Variants in CCDC85C observed in about 807,000 individuals in gnomAD.
CCDC85C encodes coiled-coil domain-containing protein 85C.
CCDC85C carries 18 observed loss-of-function variants against 38.3 expected under a neutral mutation model. The observed-to-expected ratio is 0.47, with a 90% CI of 0.33 to 0.70. CCDC85C has a LOEUF of 0.70. Ranked by LOEUF, CCDC85C falls within the 30% of genes least tolerant of loss-of-function variation. CCDC85C has a pLI of 0.03. For missense variants in CCDC85C, 566 were observed against 621.2 expected, an observed-to-expected ratio of 0.91 and a Z score of 0.94; for synonymous variants, 264 against 293.8, an observed-to-expected ratio of 0.90 and a Z score of 1.04.
rs1482553190 is a variant in CCDC85C at position 99,520,796 on chromosome 14, A to C, written c.975+1337T>G. Among the ~76,000 whole-genome samples the C allele has an allele frequency of 6.6e-6, 1 of 152,172 alleles. No individual in the cohort carries two copies. Among genetic ancestry groups the C allele is most frequent in the Non-Finnish European group, 1.5e-5 (1 of 68,028 alleles). On this transcript the variant is annotated intron_variant, in intron 3 of 5. Transcript: ENST00000380243. This position sits in a 1 kb window ranked among gnomAD's most constrained non-coding sequence, Gnocchi z 4.1. Reference sequence around the variant, plus strand: ...CTGTGAGCCTCACTTCCTCCTCTCCAAAGTAGGGGACACCCCTTCATGCAC... The same window carrying C: ...CTGTGAGCCTCACTTCCTCCTCTCCCAAGTAGGGGACACCCCTTCATGCAC...
intron 3 of CCDC85C, 104 bp from the exon 4 acceptor site, chr14:99,517,287 G>T: frequency 1.2e-6 from 1 of 858,874 alleles, no homozygotes; most frequent in Non-Finnish European, 1.8e-6. Flanking sequence ...GGCCCAGGCA[G>T]GAGGAAAAGG....
At chr14:99,522,308 G>A in intron 2 of CCDC85C, 68 bp from the exon 3 acceptor site, 1 of 1,184,932 alleles carries the variant, frequency 8.4e-7, no homozygotes, top group South Asian at 1.4e-5. Flanking sequence ...CCCTGGGCAT[G>A]GCTCCTCACG....
chr14:99,570,523 G>C (rs535554397), intron 1 of CCDC85C, among the ~76,000 whole-genome samples: 7 of 152,274 alleles, frequency 4.6e-5, no homozygotes, highest in South Asian at 4.1e-4. Context: ...GCAGGGGCTC[G>C]GGGCTGGGCC....
chr14:99,556,941 A>G (rs768451205), intron 1 of CCDC85C, among the ~76,000 whole-genome samples: 1 of 151,676 alleles, frequency 6.6e-6, no homozygotes, highest in Non-Finnish European at 1.5e-5. Flanking sequence ...AGAGAATGAT[A>G]AGCAATGAGG....
At position 99,536,091 on chromosome 14, in the gene CCDC85C, G is replaced by A. The variant is rs1897592063; in HGVS notation, c.794-3C>T. 2 of 1,548,906 alleles carry A rather than the reference G, an allele frequency of 1.3e-6. No individual in the cohort carries two copies. Among genetic ancestry groups the A allele is most frequent in the Non-Finnish European group, 1.7e-6 (2 of 1,144,548 alleles). On this transcript the variant is annotated splice_region_variant and splice_polypyrimidine_tract_variant and intron_variant, in intron 1 of 5. Coordinates refer to ENST00000380243, the MANE Select transcript of CCDC85C (RefSeq NM_001144995.2). ...CCTGATGTAGGTGGATGAGGGATCT[G>A]GAAGGACACAAGAGGAAGGGGGACA...
Position 99,506,723 on chromosome 14 carries a change from C to T in CCDC85C, c.*8523G>A, listed in dbSNP as rs1328764309. 1 of 283,430 alleles carries T rather than the reference C, an allele frequency of 3.5e-6. No individual in the cohort carries two copies. The highest frequency in any genetic ancestry group is 2.2e-5 in the African/African-American group (1 of 45,538). The allele number at this position is 283,430 out of a possible 1,614,324, so 17.6% of individuals were successfully genotyped here. A position where few individuals can be genotyped will look rare whatever the true frequency, so the allele number is the denominator to read the frequency against. On this transcript the variant is annotated 3_prime_UTR_variant, in exon 6 of 6. Transcript: ENST00000380243. ...TACTCTGGACCCTTCTTTGTGTCCTCTGTACCAGGGAGGACTCCAGATAGG... is the reference window on the plus strand; with the variant it reads ...TACTCTGGACCCTTCTTTGTGTCCTTTGTACCAGGGAGGACTCCAGATAGG...
intron 1 of CCDC85C, among the ~76,000 whole-genome samples, chr14:99,589,714 G>A (rs183554166): frequency 3.1e-5 from 4 of 128,984 alleles, no homozygotes; most frequent in Admixed American, 2.3e-4. Flanking sequence ...ACTGCAGAGA[G>A]GAGGACAGGC....
rs1248801016 is a variant in CCDC85C at position 99,509,270 on chromosome 14, T to A, written c.*5976A>T. Reference sequence around the variant, plus strand: ...CCTGGGCTGCCTTGGGAAAGGACACTCATTCTGTGTGTTTGGCTACCTGTG... The same window carrying A: ...CCTGGGCTGCCTTGGGAAAGGACACACATTCTGTGTGTTTGGCTACCTGTG... On this transcript the variant is annotated 3_prime_UTR_variant, in exon 6 of 6. Coordinates refer to ENST00000380243, the MANE Select transcript of CCDC85C (RefSeq NM_001144995.2). The A allele has an allele frequency of 6.6e-6, 1 of 152,330 alleles. No homozygotes were observed. The highest frequency in any genetic ancestry group is 1.5e-5 in the Non-Finnish European group (1 of 68,094). 9.4% of individuals were successfully genotyped at this position (152,330 alleles called of 1,614,324 possible).
At chr14:99,538,432 C>T (rs570068857) in intron 1 of CCDC85C, among the ~76,000 whole-genome samples, 2 of 152,368 alleles carry the variant, frequency 1.3e-5, no homozygotes, top group East Asian at 1.9e-4. Context: ...GGCCCCTGCT[C>T]ACCACAGCAC....
At chr14:99,577,844 A>T in intron 1 of CCDC85C, among the ~76,000 whole-genome samples, 1 of 132,020 alleles carries the variant, frequency 7.6e-6, no homozygotes, top group South Asian at 2.4e-4. Context: ...CCCGTCCTGT[A>T]TCCCCCATCA....
At chr14:99,580,000 A>AACCCCACAT (rs752096459) in intron 1 of CCDC85C, 10 of 454,874 alleles carry the variant, frequency 2.2e-5, no homozygotes, top group African/African-American at 8.0e-5. Context: ...CACCATGACA[A>AACCCCACAT]ACCCCACATA....
At chr14:99,597,941 T>C (rs980308272) in intron 1 of CCDC85C, among the ~76,000 whole-genome samples, 1 of 152,210 alleles carries the variant, frequency 6.6e-6, no homozygotes, top group Non-Finnish European at 1.5e-5. Context: ...GAGACATTAT[T>C]AGCCTCAGGA....
chr14:99,542,564 A>G (rs968237713), intron 1 of CCDC85C, among the ~76,000 whole-genome samples: 10 of 152,220 alleles, frequency 6.6e-5, no homozygotes, highest in African/African-American at 2.2e-4. Flanking sequence ...TGGCAGCCAC[A>G]GACCCAGGGA....
At chr14:99,555,374 A>C (rs1366693701) in intron 1 of CCDC85C, among the ~76,000 whole-genome samples, 1 of 152,210 alleles carries the variant, frequency 6.6e-6, no homozygotes, top group African/African-American at 2.4e-5. Context: ...CCAAGGCTAC[A>C]GGTCAAGTCA....
chr14:99,551,501 G>T (rs1218193722), intron 1 of CCDC85C, among the ~76,000 whole-genome samples: 1 of 151,858 alleles, frequency 6.6e-6, no homozygotes, highest in Non-Finnish European at 1.5e-5. Flanking sequence ...AAGGCAGTGT[G>T]CAGGTGGGTG....
At chr14:99,597,263 C>T (rs2055153076) in intron 1 of CCDC85C, among the ~76,000 whole-genome samples, 1 of 152,230 alleles carries the variant, frequency 6.6e-6, no homozygotes, top group Non-Finnish European at 1.5e-5. Flanking sequence ...GTGAAGTCCG[C>T]AGACGCTTCC....
chr14:99,528,373 G>A (rs928762837), intron 2 of CCDC85C, among the ~76,000 whole-genome samples: 1 of 152,236 alleles, frequency 6.6e-6, no homozygotes, highest in Admixed American at 6.5e-5. Context: ...CTGAGCCGGA[G>A]TGGTTTTCCC....
intron 1 of CCDC85C, among the ~76,000 whole-genome samples, chr14:99,587,747 TGC>T (rs1306376807): frequency 6.6e-6 from 1 of 152,094 alleles, no homozygotes; most frequent in Non-Finnish European, 1.5e-5. Flanking sequence ...CGTACAGTCA[TGC>T]GCCTGAGGAC....
rs111434394 is a variant in CCDC85C, at chr14:99,534,800, G to A, written c.867+1215C>T. 7.2e-3 allele frequency: 4,952 copies of A among 691,282 alleles called. 26 individuals carry two copies. Among genetic ancestry groups the A allele is most frequent in the Non-Finnish European group, 9.8e-3 (3,724 of 379,596 alleles). 42.8% of individuals were successfully genotyped at this position (691,282 alleles called of 1,614,324 possible). A position where few individuals can be genotyped will look rare whatever the true frequency, so the allele number is the denominator to read the frequency against. ...CTCACCAGCCCTGGGAAGCCAGCAC[G>A]GCCTGTGGCCAAAGCCCTTCACCAT... On this transcript the variant is annotated intron_variant, in intron 2 of 5. Coordinates refer to ENST00000380243, the MANE Select transcript of CCDC85C (RefSeq NM_001144995.2).
Sources: allele counts gnomAD v4.1 joint callset (sites outside exome capture counted in the v4.1 genomes callset), GRCh38; gene constraint gnomAD v4.1.1; non-coding constraint Gnocchi (gnomAD v3.1); transcripts MANE v1.5; gene names NCBI Gene and HGNC (gene_info 2026-07-23, HGNC 2026-07-21).